The following RC3H2 variants were observed in gnomAD, a reference collection of about 807,000 sequenced individuals.
RC3H2 encodes the protein roquin-2.
A neutral mutation model predicts 133.3 loss-of-function variants in RC3H2; 31 were observed. That is an observed-to-expected ratio of 0.23 (90% confidence interval 0.17 to 0.31). RC3H2 has a LOEUF of 0.31. RC3H2 is among the 10% of genes least tolerant of loss of function. The pLI is 1.00. For missense variants in RC3H2, 1,175 were observed against 1,437.2 expected (o/e 0.82, Z 2.95); for synonymous variants, 517 against 502.2 (o/e 1.03, Z -0.40).
chr9:122,897,208 A>G, intron 2 of RC3H2, 71 bp downstream of exon 2: 2 of 1,385,498 alleles, frequency 1.4e-6, no homozygotes, highest in Non-Finnish European at 1.0e-6. Flanking sequence ...CAGGCTGGAC[A>G]AGCCGTTAAA....
intron 5 of RC3H2, 31 bp from the exon 6 acceptor site, chr9:122,880,825 T>C: frequency 6.6e-7 from 1 of 1,524,866 alleles, no homozygotes; most frequent in Non-Finnish European, 9.1e-7. Context: ...AAATCAGAAT[T>C]GGTCTGTGCT....
chr9:122,868,839 A>ATGTGTGTG (rs36205979), intron 9 of RC3H2, among the ~76,000 whole-genome samples: 1 of 118,964 alleles, frequency 8.4e-6, no homozygotes, highest in African/African-American at 3.3e-5. Flanking sequence ...TCCCTCCTAT[A>ATGTGTGTG]TGTGTGTGTG....
rs1831262448 is a variant in RC3H2 at position 122,874,805 on chromosome 9, C to G, written c.1325+2666G>C. The stretch of plus-strand genomic sequence containing the variant: ...AAACTGCTGGGAATACAGGCATGAG[C>G]CACTACACCTAGTTTGGCTATTATT... On this transcript the variant is annotated intron_variant, in intron 9 of 20. Coordinates refer to ENST00000357244, the MANE Select transcript of RC3H2 (RefSeq NM_001100588.3). 1.2e-5 allele frequency: 2 copies of G among 172,996 alleles called. 1 individual carries two copies. The highest frequency in any genetic ancestry group is 2.9e-4 in the South Asian group (2 of 6,842). 10.7% of individuals were successfully genotyped at this position (172,996 alleles called of 1,614,324 possible). A position where few individuals can be genotyped will look rare whatever the true frequency, so the allele number is the denominator to read the frequency against.
chr9:122,895,222 C>T (rs943578685), intron 2 of RC3H2, among the ~76,000 whole-genome samples: 4 of 151,224 alleles, frequency 2.6e-5, no homozygotes, highest in African/African-American at 7.3e-5. Flanking sequence ...TGCAGTGGCA[C>T]GATCTTGGCT....
intron 9 of RC3H2, chr9:122,874,844 C>T (rs1325256161): frequency 5.2e-6 from 1 of 192,738 alleles, no homozygotes; most frequent in Non-Finnish European, 1.1e-5. Context: ...TTTACTGCTA[C>T]TATTACAAGT....
In RC3H2 at chr9:122,897,777, G is replaced by A. The variant is rs1249647539; in HGVS notation, c.-67-201C>T. ...TGCCTGGAAACAATACCTTAATAGT[G>A]TTCCTTTCAACTAAACTGTATTTAT... On this transcript the variant is annotated intron_variant, in intron 1 of 20. Coordinates refer to ENST00000357244, the MANE Select transcript of RC3H2 (RefSeq NM_001100588.3). 21 of 379,288 alleles carry A rather than the reference G, an allele frequency of 5.5e-5. No homozygotes were observed. The East Asian group carries it at 9.4e-4, about 17-fold the overall frequency. The allele number at this position is 379,288 out of a possible 1,614,324, so 23.5% of individuals were successfully genotyped here. A position where few individuals can be genotyped will look rare whatever the true frequency, so the allele number is the denominator to read the frequency against.
intron 11 of RC3H2, 87 bp from the exon 12 acceptor site, chr9:122,859,189 G>A (rs944437768): frequency 2.0e-6 from 2 of 1,000,818 alleles, no homozygotes; most frequent in African/African-American, 3.4e-5. Context: ...AGCCCTTAAT[G>A]TAGGAAAATA....
rs575085216 is a variant in RC3H2 at position 122,897,283 on chromosome 9, G to A, written c.227C>T (p.Ala76Val). ...VNFALLQLVG[A>V]QVPDHQSIKL... is the part of the protein sequence containing the mutation. ...AGTAAAATCTTGAATGCTTACCTGG[G>A]CTCCAACTAACTGGAGAAGTGCGAA... The change falls in exon 2 of 21, where the codon GCC becomes GTC. Residue 76 changes from alanine (A) to valine (V), a missense_variant. By Grantham distance (64) the Ala-to-Val change is moderately conservative. Around this residue, in one of 8 missense-constraint regions of RC3H2, gnomAD observed 41 missense variants for 88.0 expected, o/e 0.47. Transcript: ENST00000357244. 1.2e-6 allele frequency: 2 copies of A among 1,613,804 alleles called. No homozygotes were observed. The highest frequency in any genetic ancestry group is 2.2e-5 in the South Asian group (2 of 91,066).
chr9:122,862,997 C>G (rs1163128680), intron 10 of RC3H2, among the ~76,000 whole-genome samples: 1 of 151,030 alleles, frequency 6.6e-6, no homozygotes, highest in African/African-American at 2.4e-5. Flanking sequence ...TTAGTATATT[C>G]ACAAGGCTGT....
intron 9 of RC3H2, among the ~76,000 whole-genome samples, chr9:122,869,715 G>A (rs114406313): frequency 6.6e-6 from 1 of 151,790 alleles, no homozygotes; most frequent in Non-Finnish European, 1.5e-5. Flanking sequence ...ATAGGCGCGC[G>A]CCTGCCAACA....
At position 122,851,490 on chromosome 9, in the gene RC3H2, T is replaced by C. The variant is rs886190888; in HGVS notation, c.3118-54A>G. ...TCTCCCTCTCCCTCTCCCCATGGTCTCCCTCTCCCCATGGTCTCCCTCTCC... is the reference window on the plus strand; with the variant it reads ...TCTCCCTCTCCCTCTCCCCATGGTCCCCCTCTCCCCATGGTCTCCCTCTCC... On this transcript the variant is annotated intron_variant, in intron 18 of 20. Coordinates refer to ENST00000357244, the MANE Select transcript of RC3H2 (RefSeq NM_001100588.3). 7.6e-6 allele frequency: 12 copies of C among 1,586,072 alleles called. No homozygotes were observed. The African/African-American group carries it at 1.2e-4, about 16-fold the overall frequency.
chr9:122,865,977 T>C (rs1830630736), intron 9 of RC3H2, among the ~76,000 whole-genome samples: 1 of 152,160 alleles, frequency 6.6e-6, no homozygotes, highest in Admixed American at 6.5e-5. Flanking sequence ...AAGAGACCAT[T>C]TGAAAATTTT....
chr9:122,880,306 CACTTAGAAAACTTAT>C lies in RC3H2; in HGVS notation c.961-196_961-182del, dbSNP rs777283776. Reference sequence around the variant, plus strand: ...CTGCCCTATGAAATTCATCATTAGACACTTAGAAAACTTATAAGCTGTATTAACTCTCTGAGGTCA... The same window carrying C: ...CTGCCCTATGAAATTCATCATTAGACAAGCTGTATTAACTCTCTGAGGTCA... On this transcript the variant is annotated intron_variant, in intron 6 of 20. Transcript: ENST00000357244. The C allele has an allele frequency of 7.1e-6, 6 of 849,554 alleles. No homozygotes were observed. In the Admixed American group the frequency reaches 8.5e-5, roughly 12 times the overall value. 52.6% of individuals were successfully genotyped at this position (849,554 alleles called of 1,614,324 possible).
Position 122,865,436 on chromosome 9 carries a change from C to T in RC3H2, c.1547G>A (p.Arg516Lys). ...CACTTTCTTCACGGTCTCCAGAGCT[C>T]TTAAGGTACTGTCAGTACTACGTGA... is the stretch of plus-strand genomic sequence containing the variant. Reference protein sequence around the residue: ...LISRSTDSTLRALETVKKVGK... With the variant: ...LISRSTDSTLKALETVKKVGK... Residue 516 changes from arginine to lysine, a missense_variant, in exon 10 of 21, where the codon AGA (arginine) becomes AAA (lysine). Physicochemically the swap from Arg to Lys is conservative, Grantham distance 26 (BLOSUM62 2). This residue lies in a region of RC3H2 where 490 missense variants were observed against 492.8 expected (regional missense o/e 0.99). Transcript: ENST00000357244. 1 of 1,614,234 alleles carries T rather than the reference C, an allele frequency of 6.2e-7. No individual in the cohort carries two copies. The highest frequency in any genetic ancestry group is 8.5e-7 in the Non-Finnish European group (1 of 1,180,044).
rs754931139 is a variant in RC3H2, at chr9:122,854,632, T to C, written c.2816-17A>G. On this transcript the variant is annotated splice_polypyrimidine_tract_variant and intron_variant, in intron 15 of 20. Coordinates refer to ENST00000357244, the MANE Select transcript of RC3H2 (RefSeq NM_001100588.3). ...GGACATAATCTACAGACATGTAGAATGAAACAATGGTCAAAAAAGTGAAAA... is the reference window on the plus strand; with the variant it reads ...GGACATAATCTACAGACATGTAGAACGAAACAATGGTCAAAAAAGTGAAAA... 1 of 1,566,572 alleles carries C rather than the reference T, an allele frequency of 6.4e-7. No homozygotes were observed. The highest frequency in any genetic ancestry group is 8.8e-7 in the Non-Finnish European group (1 of 1,136,666).
intron 9 of RC3H2, among the ~76,000 whole-genome samples, chr9:122,867,681 G>A (rs1212233979): frequency 6.1e-5 from 7 of 114,048 alleles, no homozygotes; most frequent in Admixed American, 4.0e-4. Context: ...CCACCGCCCC[G>A]TCTGGGATGT....
intron 8 of RC3H2, among the ~76,000 whole-genome samples, chr9:122,878,923 A>AT (rs202108667): frequency 0.089 from 11,616 of 131,142 alleles, 1,426 homozygotes; most frequent in East Asian, 0.6. Context: ...TCATTTTTGT[A>AT]TTTTTTTTTT....
At chr9:122,883,505 A>T in intron 4 of RC3H2, 126 bp from the exon 5 acceptor site, 1 of 600,980 alleles carries the variant, frequency 1.7e-6, no homozygotes, top group Non-Finnish European at 2.8e-6. Context: ...TTTAATTAGC[A>T]CAAAGAGGAC....
At position 122,883,360 on chromosome 9, in the gene RC3H2, C is replaced by CAAG; in HGVS notation, c.600_602dup (p.Ala200_Leu201insPhe). On this transcript the variant is annotated inframe_insertion, in exon 5 of 21. Transcript: ENST00000357244. The stretch of plus-strand genomic sequence containing the variant: ...CTTCTAATGCCAGTAACACCAGCTT[C>CAAG]AAGGCCTCTTCTTGCATAGCTAAAA... 1 of 1,605,996 alleles carries CAAG rather than the reference C, an allele frequency of 6.2e-7. No homozygotes were observed. The highest frequency in any genetic ancestry group is 8.5e-7 in the Non-Finnish European group (1 of 1,177,522).
Sources: gnomAD v4.1 joint callset for allele counts (sites outside exome capture counted in the v4.1 genomes callset) on GRCh38, gnomAD v4.1.1 for gene constraint, gnomAD v4.1.1 regional missense constraint, MANE v1.5 for transcripts, NCBI Gene and HGNC (gene_info 2026-07-23, HGNC 2026-07-21) for gene names.